Variants in ZSCAN5A observed in about 807,000 individuals in gnomAD.
ZSCAN5A encodes zinc finger and SCAN domain-containing protein 5A.
ZSCAN5A carries 12 observed loss-of-function variants against 23.7 expected under a neutral mutation model. The ratio of observed to expected loss-of-function variants is 0.51; its 90% CI spans 0.32 to 0.82. ZSCAN5A has a LOEUF of 0.82. ZSCAN5A is among the 40% of genes least tolerant of loss of function. The pLI is 0.03. For synonymous variants in ZSCAN5A, 257 were observed against 239.9 expected (o/e 1.07, Z -0.66); for missense variants, 597 against 617.9 (o/e 0.97, Z 0.36).
At chr19:56,286,847 A>C (rs1203652557) in intron 2 of ZSCAN5A, among the ~76,000 whole-genome samples, 2 of 152,244 alleles carry the variant, frequency 1.3e-5, no homozygotes, top group Admixed American at 6.5e-5. Context: ...GATGCCCGGC[A>C]GAGCGAATGC....
intron 2 of ZSCAN5A, among the ~76,000 whole-genome samples, chr19:56,308,065 C>T (rs1251247114): frequency 6.6e-6 from 1 of 152,248 alleles, no homozygotes; most frequent in Non-Finnish European, 1.5e-5. Flanking sequence ...GACAGGGTCT[C>T]GCTCTGTCGC....
intron 2 of ZSCAN5A, among the ~76,000 whole-genome samples, chr19:56,284,513 ATTTTTTT>A (rs11374260): frequency 0.2 from 23,318 of 118,348 alleles, 1,991 homozygotes; most frequent in Middle Eastern, 0.42. Context: ...GCTTGCTGTA[ATTTTTTT>A]TTTTTTTTTT....
intron 2 of ZSCAN5A, among the ~76,000 whole-genome samples, chr19:56,260,358 G>A (rs1386150648): frequency 6.6e-6 from 1 of 151,786 alleles, no homozygotes; most frequent in Non-Finnish European, 1.5e-5. Context: ...GGGATTACAG[G>A]CATGTGCCAC....
At chr19:56,274,049 T>A (rs1040140700) in intron 2 of ZSCAN5A, among the ~76,000 whole-genome samples, 1 of 151,938 alleles carries the variant, frequency 6.6e-6, no homozygotes, top group Non-Finnish European at 1.5e-5. Flanking sequence ...CAGGATTGAG[T>A]GATGGGTCAG....
At chr19:56,305,572 T>G (rs1036049882) in intron 2 of ZSCAN5A, among the ~76,000 whole-genome samples, 1 of 152,214 alleles carries the variant, frequency 6.6e-6, no homozygotes, top group Admixed American at 6.5e-5. Context: ...TTTTAAAATC[T>G]TTTGGGGTAC....
chr19:56,234,816 CT>C (rs1418939155), intron 2 of ZSCAN5A, among the ~76,000 whole-genome samples: 22 of 152,292 alleles, frequency 1.4e-4, no homozygotes, highest in African/African-American at 5.1e-4. Context: ...ACTCGTGGAG[CT>C]CGGATTTCAA....
chr19:56,238,434 C>T (rs1296053532), intron 2 of ZSCAN5A, among the ~76,000 whole-genome samples: 1 of 152,128 alleles, frequency 6.6e-6, no homozygotes, highest in Non-Finnish European at 1.5e-5. Flanking sequence ...TGGAGAGCAG[C>T]CTGGGCAACA....
chr19:56,338,327 C>T (rs71352884), intron 2 of ZSCAN5A: 14,557 of 152,172 alleles, frequency 0.096, 759 homozygotes, highest in South Asian at 0.16. Flanking sequence ...GCATTGAAGA[C>T]TGTTCCTTTC....
intron 2 of ZSCAN5A, among the ~76,000 whole-genome samples, chr19:56,228,991 C>G (rs200041956): frequency 6.6e-6 from 1 of 152,078 alleles, no homozygotes; most frequent in African/African-American, 2.4e-5. Context: ...TATAGATACA[C>G]TGAGGGTCCT....
At chr19:56,344,932 A>G (rs1443950205) in intron 2 of ZSCAN5A, among the ~76,000 whole-genome samples, 32 of 127,244 alleles carry the variant, frequency 2.5e-4, no homozygotes, top group Admixed American at 7.5e-4. Flanking sequence ...AAAAAAAAAA[A>G]AAAGAAAAAA....
chr19:56,354,194 A>C (rs1477677666), intron 2 of ZSCAN5A, among the ~76,000 whole-genome samples: 1 of 152,232 alleles, frequency 6.6e-6, no homozygotes, highest in Non-Finnish European at 1.5e-5. Context: ...GCAAAGAGAA[A>C]AACATTCTGG....
In ZSCAN5A at chr19:56,353,592, G is replaced by T. The variant is rs1052601705; in HGVS notation, c.-358+9643C>A. Among the ~76,000 whole-genome samples the T allele has an allele frequency of 1.1e-4, 17 of 151,708 alleles. No homozygotes were observed. The East Asian group carries it at 1.2e-3, about 10-fold the overall frequency. On this transcript the variant is annotated intron_variant, in intron 2 of 6. Transcript: ENST00000587340. ...GGAGATCGAGACCATCCTGGCTAAC[G>T]GCGGTGAAACCCCGTCTCTACTAAA... is the stretch of plus-strand genomic sequence containing the variant.
At chr19:56,261,884 A>G (rs2037152987) in intron 2 of ZSCAN5A, among the ~76,000 whole-genome samples, 1 of 152,212 alleles carries the variant, frequency 6.6e-6, no homozygotes, top group East Asian at 1.9e-4. Flanking sequence ...TCTTAAGGTT[A>G]CAGTTTAATA....
At chr19:56,326,154 G>A (rs1301379501) in intron 2 of ZSCAN5A, among the ~76,000 whole-genome samples, 1 of 151,902 alleles carries the variant, frequency 6.6e-6, no homozygotes. Flanking sequence ...AGCCAGGATG[G>A]TCTCGATCTC....
chr19:56,234,085 G>T (rs1204023458), intron 2 of ZSCAN5A, among the ~76,000 whole-genome samples: 2 of 152,152 alleles, frequency 1.3e-5, no homozygotes, highest in Non-Finnish European at 2.9e-5. Flanking sequence ...AACTCACAAA[G>T]ATTTCAGAAT....
At chr19:56,336,912 G>A (rs1026608168) in intron 2 of ZSCAN5A, among the ~76,000 whole-genome samples, 16 of 152,182 alleles carry the variant, frequency 1.1e-4, no homozygotes, top group Non-Finnish European at 1.9e-4. Context: ...TTGGTGAACC[G>A]CAAATGCTGC....
At chr19:56,350,409 TAAG>T (rs761565038) in intron 2 of ZSCAN5A, among the ~76,000 whole-genome samples, 77 of 152,206 alleles carry the variant, frequency 5.1e-4, no homozygotes, top group Non-Finnish European at 1.0e-3. Flanking sequence ...AAAGGTGTTG[TAAG>T]AAGGTTTATA....
At chr19:56,229,627 T>C (rs956671897) in intron 2 of ZSCAN5A, among the ~76,000 whole-genome samples, 8 of 152,236 alleles carry the variant, frequency 5.3e-5, no homozygotes, top group Non-Finnish European at 4.4e-5. Flanking sequence ...TGTAAACTCA[T>C]AGTCTTATTT....
intron 2 of ZSCAN5A, among the ~76,000 whole-genome samples, chr19:56,226,082 C>G (rs999386655): frequency 6.6e-6 from 1 of 152,058 alleles, no homozygotes; most frequent in Non-Finnish European, 1.5e-5. Context: ...CGTCCAAGTT[C>G]AACAGCTATG....
Sources: allele counts gnomAD v4.1 joint callset (sites outside exome capture counted in the v4.1 genomes callset), GRCh38; gene constraint gnomAD v4.1.1; transcripts MANE v1.5; gene names NCBI Gene and HGNC (gene_info 2026-07-23, HGNC 2026-07-21).